The following XDH variants were observed in gnomAD, a reference collection of about 807,000 sequenced individuals.
XDH encodes xanthine dehydrogenase, also known as xanthine dehydrogenase/oxidase.
XDH carries 138 observed loss-of-function variants against 156.1 expected under a neutral mutation model. The observed-to-expected ratio is 0.88, with a 90% CI of 0.77 to 1.02. The LOEUF is 1.02. XDH is among the 50% of genes least tolerant of loss of function. The probability of loss-of-function intolerance (pLI) is 0.00; values close to 1 mark genes in which losing one functional copy is unlikely to be tolerated. For missense variants in XDH, 1,849 were observed against 1,684.9 expected (o/e 1.10, Z -1.71); for synonymous variants, 669 against 625.7 (o/e 1.07, Z -1.03).
chr2:31,384,991 A>C (rs935703724), intron 9 of XDH, among the ~76,000 whole-genome samples: 3 of 152,128 alleles, frequency 2.0e-5, no homozygotes, highest in Non-Finnish European at 4.4e-5. Flanking sequence ...TAATTGTGGA[A>C]CTTAGGTAAT....
At chr2:31,375,185 G>A (rs568826457) in intron 15 of XDH, among the ~76,000 whole-genome samples, 195 bp downstream of exon 15, 2 of 151,660 alleles carry the variant, frequency 1.3e-5, no homozygotes, top group Non-Finnish European at 1.5e-5. Flanking sequence ...AACCTCTGTC[G>A]CCAAAGCCCA....
At chr2:31,380,643 G>T (rs1686412565) in intron 12 of XDH, among the ~76,000 whole-genome samples, 1 of 152,230 alleles carries the variant, frequency 6.6e-6, no homozygotes, top group South Asian at 2.1e-4. Context: ...TCCACTGGGA[G>T]AAGTCTCTGG....
intron 23 of XDH, among the ~76,000 whole-genome samples, chr2:31,364,967 C>T (rs1022222609): frequency 6.6e-6 from 1 of 152,186 alleles, no homozygotes; most frequent in African/African-American, 2.4e-5. Flanking sequence ...TCCACAGAAA[C>T]CCAGAAGAGG....
intron 12 of XDH, 52 bp from the exon 13 acceptor site, chr2:31,380,028 C>G (rs950221436): frequency 6.4e-7 from 1 of 1,560,106 alleles, no homozygotes; most frequent in South Asian, 1.1e-5. Flanking sequence ...GGCTGGGAAC[C>G]CCCCATGGGG....
At chr2:31,337,263 C>A (rs1235759227) in intron 35 of XDH, among the ~76,000 whole-genome samples, 1 of 151,870 alleles carries the variant, frequency 6.6e-6, no homozygotes, top group Non-Finnish European at 1.5e-5. Flanking sequence ...AATATTCATA[C>A]AGTGTCCTTA....
At position 31,373,874 on chromosome 2, in the gene XDH, T is replaced by G. The variant is rs757440261; in HGVS notation, c.1685A>C (p.Gln562Pro). The change falls in exon 16 of 36, where the codon CAA becomes CCA. Residue 562 changes from glutamine to proline, a missense_variant and splice_region_variant. Transcript: ENST00000379416. ...KDPPADVQLF[Q>P]EVPKGQSEED... is the part of the protein sequence containing the mutation. ...TAGCCATACACTGACCGTACTCACT[T>G]GGAAGAGCTGGACATCGGCTGGGGG... 2 of 1,613,656 alleles carry G rather than the reference T, an allele frequency of 1.2e-6. No individual in the cohort carries two copies. Among genetic ancestry groups the G allele is most frequent in the African/African-American group, 1.3e-5 (1 of 74,928 alleles).
chr2:31,383,938 A>T (rs910404979), intron 9 of XDH, 91 bp from the exon 10 acceptor site: 3 of 1,095,572 alleles, frequency 2.7e-6, no homozygotes, highest in African/African-American at 1.5e-5. Context: ...CACACAGGAT[A>T]TATGACATAT....
At chr2:31,412,607 T>G (rs891393317) in intron 1 of XDH, among the ~76,000 whole-genome samples, 11 of 152,154 alleles carry the variant, frequency 7.2e-5, no homozygotes, top group African/African-American at 2.7e-4. Flanking sequence ...GTTGTCCACA[T>G]GTACCCTAGA....
chr2:31,368,013 G>A lies in XDH; in HGVS notation c.2145C>T (p.Ile715=), dbSNP rs267599348. 27 of 1,613,946 alleles carry A rather than the reference G, an allele frequency of 1.7e-5. No homozygotes were observed. Among genetic ancestry groups the A allele is most frequent in the African/African-American group, 5.3e-5 (4 of 74,876 alleles). ...NNSFYGPELK[I]EKGDLKKGFS... Reference sequence around the variant, plus strand: ...ACCCCTTCTTTAGGTCCCCTTTCTCGATCTTCAGCTCAGGTCCATAAAAGG... The same window carrying A: ...ACCCCTTCTTTAGGTCCCCTTTCTCAATCTTCAGCTCAGGTCCATAAAAGG... The change falls in exon 20 of 36, where the codon ATC becomes ATT. Residue 715 remains isoleucine, a synonymous_variant. Coordinates refer to ENST00000379416, the MANE Select transcript of XDH (RefSeq NM_000379.4).
In XDH at chr2:31,387,813, G is replaced by A; in HGVS notation, c.649C>T (p.Leu217=). The change falls in exon 8 of 36, where the codon CTG becomes TTG. Residue 217 remains leucine (L), a splice_region_variant and synonymous_variant. Coordinates refer to ENST00000379416, the MANE Select transcript of XDH (RefSeq NM_000379.4). ...TQEPIFPPEL[L]RLKDTPRKQL... ...TCTGTCCCTGAGGCATCACCTACCA[G>A]CAACTCTGGGGGAAAAATGGGCTCC... 2 of 1,579,230 alleles carry A rather than the reference G, an allele frequency of 1.3e-6. No individual in the cohort carries two copies. Among genetic ancestry groups the A allele is most frequent in the Admixed American group, 1.9e-5 (1 of 53,622 alleles).
At chr2:31,344,623 G>A in intron 31 of XDH, 61 bp downstream of exon 31, 7 of 1,589,590 alleles carry the variant, frequency 4.4e-6, no homozygotes, top group Non-Finnish European at 4.3e-6. Context: ...GTGCTGGAGT[G>A]GACCAGTGAG....
intron 8 of XDH, 118 bp from the exon 9 acceptor site, chr2:31,386,673 C>T: frequency 2.2e-6 from 3 of 1,353,010 alleles, no homozygotes; most frequent in Non-Finnish European, 3.1e-6. Context: ...AAATATCTAA[C>T]AGGAAGAAGC....
intron 1 of XDH, among the ~76,000 whole-genome samples, chr2:31,409,684 C>T (rs1203840558): frequency 6.6e-6 from 1 of 152,194 alleles, no homozygotes; most frequent in Admixed American, 6.5e-5. Flanking sequence ...AATGAGATTT[C>T]ACCTCATACC....
Position 31,381,978 on chromosome 2 carries a change from T to C in XDH, c.1039-252A>G, listed in dbSNP as rs45454494. Among the ~76,000 whole-genome samples the C allele has an allele frequency of 0.01, 1,571 of 152,270 alleles. 39 individuals are homozygous for C. The highest frequency in any genetic ancestry group is 0.036 in the African/African-American group (1,513 of 41,538). ...GCAGGCAAGCCCCTTTAAGTGTGTG[T>C]GTTTGATTGATGATTTCACCCAACC... On this transcript the variant is annotated intron_variant, in intron 11 of 35. Coordinates refer to ENST00000379416, the MANE Select transcript of XDH (RefSeq NM_000379.4).
chr2:31,347,503 G>A lies in XDH; in HGVS notation c.3276+19C>T, dbSNP rs370257767. 28 of 1,613,112 alleles carry A rather than the reference G, an allele frequency of 1.7e-5. No individual in the cohort carries two copies. The highest frequency in any genetic ancestry group is 1.9e-4 in the Middle Eastern group (1 of 5,400). ...TCTGGGCTGGCCCTCTGCTCTGCGG[G>A]ATCCCATGGGCTCCTTACATAGACG... On this transcript the variant is annotated intron_variant, in intron 29 of 35. Transcript: ENST00000379416.
chr2:31,367,835 G>A (rs1044651703), intron 20 of XDH, 126 bp downstream of exon 20: 1 of 937,930 alleles, frequency 1.1e-6, no homozygotes, highest in East Asian at 2.4e-5. Context: ...ACAAACGTAA[G>A]AGGGAATCTT....
At chr2:31,413,528 T>C (rs1687396034) in intron 1 of XDH, among the ~76,000 whole-genome samples, 1 of 152,202 alleles carries the variant, frequency 6.6e-6, no homozygotes, top group African/African-American at 2.4e-5. Flanking sequence ...TCATGAAATT[T>C]CTTTTACAGT....
intron 8 of XDH, 112 bp from the exon 9 acceptor site, chr2:31,386,667 A>C: frequency 7.1e-7 from 1 of 1,414,508 alleles, no homozygotes; most frequent in East Asian, 2.3e-5. Flanking sequence ...GAATGAAAAT[A>C]TCTAACAGGA....
At position 31,337,735 on chromosome 2, in the gene XDH, T is replaced by A. The variant is rs763627174; in HGVS notation, c.3857A>T (p.His1286Leu). The A allele has an allele frequency of 4.3e-6, 7 of 1,614,256 alleles. No individual in the cohort carries two copies. In the East Asian group the frequency reaches 1.6e-4, roughly 36 times the overall value. The change falls in exon 35 of 36, where the codon CAC (histidine) becomes CTC (leucine). Residue 1286 changes from histidine to leucine, a missense_variant. Physicochemically the swap from His to Leu is moderately conservative, Grantham distance 99. Transcript: ENST00000379416. ...GAGTTCCTTCACGTTATTACCTGTG[T>A]GCTGAGCTCGAGCTGCACGGATGGC... ...KDAIRAARAQ[H>L]TGNNVKELFR...
Sources: gnomAD v4.1 joint callset for allele counts (sites outside exome capture counted in the v4.1 genomes callset) on GRCh38, gnomAD v4.1.1 for gene constraint, MANE v1.5 for transcripts, NCBI Gene and HGNC (gene_info 2026-07-23, HGNC 2026-07-21) for gene names.